The following OTUD6B variants were observed in gnomAD, a reference collection of about 807,000 sequenced individuals.
The protein encoded by OTUD6B is OTU deubiquitinase 6B.
Under a neutral mutation model 36.9 loss-of-function variants are expected in OTUD6B, and 41 were observed. That is an observed-to-expected ratio of 1.11 (90% CI 0.87 to 1.44). OTUD6B has a LOEUF of 1.44. OTUD6B is among the 40% of genes most tolerant of loss of function. The probability of loss-of-function intolerance (pLI) is 0.00; values close to 1 mark genes in which losing one functional copy is unlikely to be tolerated. For missense variants in OTUD6B, 356 were observed against 344.8 expected, an observed-to-expected ratio of 1.03 and a Z score of -0.26; for synonymous variants, 114 against 114.2, an observed-to-expected ratio of 1.00 and a Z score of 0.01.
At chr8:91,081,626 A>G (rs2130442578) in intron 5 of OTUD6B, among the ~76,000 whole-genome samples, 1 of 147,452 alleles carries the variant, frequency 6.8e-6, no homozygotes, top group Non-Finnish European at 1.5e-5. Context: ...GAGTACCTGC[A>G]TAAAAGTTTG....
At chr8:91,072,297 C>G (rs772554056) in intron 2 of OTUD6B, among the ~76,000 whole-genome samples, 8 of 152,094 alleles carry the variant, frequency 5.3e-5, no homozygotes, top group Non-Finnish European at 1.0e-4. Context: ...GTCCAGGAGT[C>G]GTAACAGCTG....
intron 3 of OTUD6B, chr8:91,076,576 T>C (rs1453342079): frequency 1.3e-6 from 2 of 1,528,788 alleles, no homozygotes; most frequent in Non-Finnish European, 1.8e-6. Context: ...CTGCTCCAAC[T>C]TTTATTCTGA....
In OTUD6B at chr8:91,085,000, CA is replaced by C; in HGVS notation, c.*133del. 1 of 411,448 alleles carries C rather than the reference CA, an allele frequency of 2.4e-6. No homozygotes were observed. The highest frequency in any genetic ancestry group is 4.4e-6 in the Non-Finnish European group (1 of 225,086). The allele number at this position is 411,448 out of a possible 1,614,324, so 25.5% of individuals were successfully genotyped here. On this transcript the variant is annotated 3_prime_UTR_variant, in exon 7 of 7. Transcript: ENST00000404789. ...ATCAGTTTTATGGCAAAGCTACTAA[CA>C]GGTGTTTTTAGAAATATGTCAGAGA...
chr8:91,075,123 T>C (rs562441088), intron 3 of OTUD6B, among the ~76,000 whole-genome samples: 1 of 152,198 alleles, frequency 6.6e-6, no homozygotes, highest in African/African-American at 2.4e-5. Context: ...AAATTAAACC[T>C]AAAAGCAATG....
chr8:91,071,083 T>C, intron 1 of OTUD6B, 55 bp from the exon 2 acceptor site: 1 of 1,592,870 alleles, frequency 6.3e-7, no homozygotes, highest in Non-Finnish European at 8.5e-7. Flanking sequence ...GGTTCCTGTT[T>C]CTCATCTCCT....
rs1010742979 is a variant in OTUD6B, at chr8:91,086,097, C to A, written c.*1229C>A. On this transcript the variant is annotated 3_prime_UTR_variant, in exon 7 of 7. Coordinates refer to ENST00000404789, the MANE Select transcript of OTUD6B (RefSeq NM_016023.5). ...TCTAAGAGGATATATACAAATGTCTCTCATAATTTATGTAAGGAAATATTA... is the reference window on the plus strand; with the variant it reads ...TCTAAGAGGATATATACAAATGTCTATCATAATTTATGTAAGGAAATATTA... 6.6e-6 allele frequency: 1 copy of A among 152,024 alleles called. No individual in the cohort carries two copies. Among genetic ancestry groups the A allele is most frequent in the Non-Finnish European group, 1.5e-5 (1 of 67,968 alleles). The allele number at this position is 152,024 out of a possible 1,614,324, so 9.4% of individuals were successfully genotyped here. A position where few individuals can be genotyped will look rare whatever the true frequency, so the allele number is the denominator to read the frequency against.
intron 5 of OTUD6B, 53 bp from the exon 6 acceptor site, chr8:91,083,955 G>C (rs1279744451): frequency 1.3e-6 from 2 of 1,539,876 alleles, no homozygotes; most frequent in Non-Finnish European, 1.8e-6. Flanking sequence ...ACACATATTT[G>C]AATGTGATTT....
chr8:91,077,548 A>G (rs745310220), intron 3 of OTUD6B, among the ~76,000 whole-genome samples: 6 of 151,534 alleles, frequency 4.0e-5, no homozygotes, highest in Non-Finnish European at 7.4e-5. Context: ...CCTTCCCTAT[A>G]CACCTCCTGT....
Position 91,070,412 on chromosome 8 carries a change from G to A in OTUD6B, c.28G>A (p.Asp10Asn). ...GGAGGCGGTATTGACCGAAGAGCTT[G>A]ATGAGGAAGAGCAGCTGCTGAGAAG... MEAVLTEEL[D>N]EEEQLLRRHR... Residue 10 changes from aspartate (D) to asparagine (N), a missense_variant, in exon 1 of 7, where the codon GAT (aspartate) becomes AAT (asparagine). Physicochemically the swap from Asp to Asn is conservative, Grantham distance 23. Coordinates refer to ENST00000404789, the MANE Select transcript of OTUD6B (RefSeq NM_016023.5). 6.2e-7 allele frequency: 1 copy of A among 1,601,300 alleles called. No homozygotes were observed. Among genetic ancestry groups the A allele is most frequent in the Non-Finnish European group, 8.5e-7 (1 of 1,173,640 alleles).
At chr8:91,081,390 A>AC (rs201303989) in intron 5 of OTUD6B, among the ~76,000 whole-genome samples, 8 of 150,654 alleles carry the variant, frequency 5.3e-5, no homozygotes, top group Non-Finnish European at 1.2e-4. Context: ...AAACAAACAA[A>AC]AAAAACAGGT....
intron 2 of OTUD6B, among the ~76,000 whole-genome samples, chr8:91,071,822 C>G (rs1402824002): frequency 6.6e-6 from 1 of 152,080 alleles, no homozygotes; most frequent in African/African-American, 2.4e-5. Context: ...TTTACTTGCC[C>G]AAAAGATGAA....
intron 5 of OTUD6B, among the ~76,000 whole-genome samples, chr8:91,083,669 G>GGT (rs1255417339): frequency 6.6e-6 from 1 of 152,014 alleles, no homozygotes; most frequent in Non-Finnish European, 1.5e-5. Context: ...TTACCTTCAT[G>GGT]GTGTGTGTGT....
At position 91,078,672 on chromosome 8, in the gene OTUD6B, A is replaced by G; in HGVS notation, c.628+4A>G. The G allele has an allele frequency of 6.6e-7, 1 of 1,523,078 alleles. No homozygotes were observed. The highest frequency in any genetic ancestry group is 8.9e-7 in the Non-Finnish European group (1 of 1,127,320). 94.3% of individuals were successfully genotyped at this position (1,523,078 alleles called of 1,614,324 possible). A position where few individuals can be genotyped will look rare whatever the true frequency, so the allele number is the denominator to read the frequency against. On this transcript the variant is annotated splice_donor_region_variant and intron_variant, in intron 4 of 6. Coordinates refer to ENST00000404789, the MANE Select transcript of OTUD6B (RefSeq NM_016023.5). ...ACAGGAGATATGTATACTCCAGGTA[A>G]TTTATTTTTCTTTACTATGTTTTAT...
chr8:91,083,096 G>A (rs535500376), intron 5 of OTUD6B, among the ~76,000 whole-genome samples: 104 of 152,018 alleles, frequency 6.8e-4, no homozygotes, highest in African/African-American at 2.0e-3. Flanking sequence ...ATTTTATATT[G>A]TATGGTATGA....
At chr8:91,082,986 G>T (rs984915454) in intron 5 of OTUD6B, among the ~76,000 whole-genome samples, 99 of 151,666 alleles carry the variant, frequency 6.5e-4, no homozygotes, top group African/African-American at 2.1e-3. Context: ...TGGAATTATG[G>T]GTGTGAGCCA....
At chr8:91,081,527 C>T (rs1196044965) in intron 5 of OTUD6B, among the ~76,000 whole-genome samples, 1 of 151,526 alleles carries the variant, frequency 6.6e-6, no homozygotes, top group African/African-American at 2.4e-5. Context: ...AGCCATCCTC[C>T]CAAGCTTGAG....
chr8:91,071,338 G>T, intron 2 of OTUD6B, 49 bp downstream of exon 2: 2 of 1,420,958 alleles, frequency 1.4e-6, no homozygotes, highest in East Asian at 2.5e-5. Flanking sequence ...GAAAACAGCT[G>T]TCCACTTCTG....
rs748363170 is a variant in OTUD6B, at chr8:91,078,569, G to T, written c.529G>T (p.Val177Phe). Reference protein sequence around the residue: ...LKEKDCALTVVALRSQTAEYM... With the variant: ...LKEKDCALTVFALRSQTAEYM... ...AGAAAAGGATTGTGCTCTGACTGTG[G>T]TTGCCTTGAGAAGTCAGACCGCTGA... is the stretch of plus-strand genomic sequence containing the variant. The change falls in exon 4 of 7, where the codon GTT (valine) becomes TTT (phenylalanine). Residue 177 changes from valine to phenylalanine, a missense_variant. Physicochemically the swap from Val to Phe is conservative, Grantham distance 50. Coordinates refer to ENST00000404789, the MANE Select transcript of OTUD6B (RefSeq NM_016023.5). The T allele has an allele frequency of 1.0e-5, 16 of 1,607,322 alleles. No individual in the cohort carries two copies. Among genetic ancestry groups the T allele is most frequent in the Non-Finnish European group, 1.4e-5 (16 of 1,176,534 alleles).
chr8:91,079,800 CAG>C (rs1358005595), intron 4 of OTUD6B, among the ~76,000 whole-genome samples: 1 of 152,054 alleles, frequency 6.6e-6, no homozygotes, highest in Non-Finnish European at 1.5e-5. Flanking sequence ...TATGCTGAGT[CAG>C]AGAAAAACAC....
Sources: gnomAD v4.1 joint callset for allele counts (sites outside exome capture counted in the v4.1 genomes callset) on GRCh38, gnomAD v4.1.1 for gene constraint, MANE v1.5 for transcripts, NCBI Gene and HGNC (gene_info 2026-07-23, HGNC 2026-07-21) for gene names.